Variants in NCAPD3 observed in about 807,000 individuals in gnomAD.
NCAPD3 encodes the protein condensin-2 complex subunit D3.
NCAPD3 carries 105 observed loss-of-function variants against 182.9 expected under a neutral mutation model. That is an observed-to-expected ratio of 0.57 (90% CI 0.49 to 0.68). The LOEUF is 0.68. NCAPD3 is among the 30% of genes least tolerant of loss of function. NCAPD3 has a pLI of 0.00. For missense variants in NCAPD3, 1,944 were observed against 1,837.0 expected (o/e 1.06, Z -1.07); for synonymous variants, 815 against 679.9 (o/e 1.20, Z -3.09).
Position 134,201,845 on chromosome 11 carries a change from G to A in NCAPD3, c.1615+971C>T, listed in dbSNP as rs76877712. ...AGAAAACCTGTTTATTATAAATGTAGTTATCGCTCTGAATTGGAGTAATAC... is the reference window on the plus strand; with the variant it reads ...AGAAAACCTGTTTATTATAAATGTAATTATCGCTCTGAATTGGAGTAATAC... On this transcript the variant is annotated intron_variant, in intron 13 of 34. Coordinates refer to ENST00000534548, the MANE Select transcript of NCAPD3 (RefSeq NM_015261.3). Among the ~76,000 whole-genome samples the A allele has an allele frequency of 3.9e-5, 6 of 152,332 alleles. No individual in the cohort carries two copies. The East Asian group carries it at 1.2e-3, about 29-fold the overall frequency.
intron 1 of NCAPD3, 113 bp from the exon 2 acceptor site, chr11:134,220,839 A>G (rs1023790300): frequency 9.9e-6 from 10 of 1,011,122 alleles, no homozygotes; most frequent in Non-Finnish European, 1.4e-5. Context: ...CACGATTCAC[A>G]TTTAACTTGT....
At chr11:134,167,480 T>C (rs562462233) in intron 27 of NCAPD3, among the ~76,000 whole-genome samples, 1 of 130,134 alleles carries the variant, frequency 7.7e-6, no homozygotes, top group South Asian at 2.7e-4. Flanking sequence ...ACTTGTGAGA[T>C]GAGCTTGGGG....
chr11:134,202,611 G>C (rs1944772197), intron 13 of NCAPD3, among the ~76,000 whole-genome samples: 1 of 151,596 alleles, frequency 6.6e-6, no homozygotes, highest in South Asian at 2.1e-4. Context: ...GAACTCCTGG[G>C]CTCAAGTGAT....
intron 16 of NCAPD3, among the ~76,000 whole-genome samples, chr11:134,190,472 CATCCTTCTGAAGTACATCCTTTTT>C (rs1487860030): frequency 6.6e-6 from 1 of 152,128 alleles, no homozygotes; most frequent in Non-Finnish European, 1.5e-5. Flanking sequence ...ATTCAGCTTC[CATCCTTCTGAAGTACATCCTTTTT>C]ATTTTTTTGA....
At position 134,169,057 on chromosome 11, in the gene NCAPD3, G is replaced by T; in HGVS notation, c.3102-3C>A. On this transcript the variant is annotated splice_region_variant and splice_polypyrimidine_tract_variant and intron_variant, in intron 24 of 34. Coordinates refer to ENST00000534548, the MANE Select transcript of NCAPD3 (RefSeq NM_015261.3). ...GAGCCAGGCAAAACTCCCCGAAGCT[G>T]CAAAGGTGAGAGAAACAAAGAGGGA... 6.2e-7 allele frequency: 1 copy of T among 1,612,374 alleles called. No homozygotes were observed. The highest frequency in any genetic ancestry group is 8.5e-7 in the Non-Finnish European group (1 of 1,179,130).
upstream of NCAPD3, chr11:134,225,364 C>T: frequency 6.2e-7 from 1 of 1,611,836 alleles, no homozygotes; most frequent in Non-Finnish European, 8.5e-7. Flanking sequence ...ACCCCCGGGA[C>T]CCCCTCCCCC....
chr11:134,217,938 A>G (rs1427147899), intron 2 of NCAPD3, among the ~76,000 whole-genome samples: 2 of 152,038 alleles, frequency 1.3e-5, no homozygotes, highest in African/African-American at 4.8e-5. Context: ...GTCTCCACAA[A>G]AAATAAAAAA....
chr11:134,168,886 C>G, intron 25 of NCAPD3, 31 bp downstream of exon 25: 2 of 1,601,752 alleles, frequency 1.2e-6, no homozygotes, highest in Non-Finnish European at 1.7e-6. Flanking sequence ...TACCCAGATA[C>G]AAGGAGACCA....
At position 134,153,153 on chromosome 11, in the gene NCAPD3, G is replaced by C. The variant is rs185906594; in HGVS notation, c.4375C>G (p.Leu1459Val). 2.5e-6 allele frequency: 4 copies of C among 1,613,864 alleles called. No individual in the cohort carries two copies. Among genetic ancestry groups the C allele is most frequent in the Admixed American group, 3.3e-5 (2 of 60,008 alleles). ...SQGNDILCLS[L>V]PDKPPPQPQQ... ...TGCTAAACTTACGGTTTATCAGGCAGTGATAAACATAAGATGTCATTTCCT... is the reference window on the plus strand; with the variant it reads ...TGCTAAACTTACGGTTTATCAGGCACTGATAAACATAAGATGTCATTTCCT... Residue 1459 changes from leucine to valine, a missense_variant, in exon 34 of 35, where the codon CTG (leucine) becomes GTG (valine). Leu to Val is a conservative substitution (Grantham distance 32). Around this residue, in one of 3 missense-constraint regions of NCAPD3, gnomAD observed 1,803 missense variants for 1,674.6 expected, o/e 1.08. Coordinates refer to ENST00000534548, the MANE Select transcript of NCAPD3 (RefSeq NM_015261.3).
In NCAPD3 at chr11:134,184,711, C is replaced by T; in HGVS notation, c.2377G>A (p.Glu793Lys). 1 of 1,613,934 alleles carries T rather than the reference C, an allele frequency of 6.2e-7. No homozygotes were observed. Among genetic ancestry groups the T allele is most frequent in the Non-Finnish European group, 8.5e-7 (1 of 1,179,968 alleles). ...GCGTCAACAGCTGAACTGATCACCT[C>T]TAGAGACCACTGAAATCCATTCAGC... is the stretch of plus-strand genomic sequence containing the variant. ...CKLNGFQWSL[E>K]VISSAVDALQ... The change falls in exon 19 of 35, where the codon GAG becomes AAG. Residue 793 changes from glutamate to lysine, a missense_variant. Glu to Lys is a moderately conservative substitution (Grantham distance 56, BLOSUM62 1). Coordinates refer to ENST00000534548, the MANE Select transcript of NCAPD3 (RefSeq NM_015261.3).
intron 1 of NCAPD3, chr11:134,223,414 G>A: frequency 4.3e-6 from 3 of 702,456 alleles, no homozygotes; most frequent in South Asian, 3.0e-5. Flanking sequence ...GCCATTAGCA[G>A]GCTTTGGGAA....
chr11:134,221,548 C>A (rs1221908840), intron 1 of NCAPD3, among the ~76,000 whole-genome samples: 1 of 152,128 alleles, frequency 6.6e-6, no homozygotes, highest in Non-Finnish European at 1.5e-5. Flanking sequence ...CCTTCCCATT[C>A]TTTTCTAATA....
chr11:134,163,315 A>G (rs1193734488), intron 27 of NCAPD3, among the ~76,000 whole-genome samples: 1 of 152,170 alleles, frequency 6.6e-6, no homozygotes, highest in Admixed American at 6.5e-5. Flanking sequence ...ACCACTCACC[A>G]TCTATCACCC....
intron 17 of NCAPD3, 121 bp downstream of exon 17, chr11:134,185,214 C>G (rs1944378701): frequency 1.0e-6 from 1 of 983,212 alleles, no homozygotes; most frequent in Non-Finnish European, 1.5e-6. Flanking sequence ...GTTTTTATAC[C>G]AGGTTTTAAA....
At chr11:134,191,188 T>C (rs1046415146) in intron 16 of NCAPD3, among the ~76,000 whole-genome samples, 1 of 152,298 alleles carries the variant, frequency 6.6e-6, no homozygotes, top group Non-Finnish European at 1.5e-5. Context: ...AATGAGCCCA[T>C]GTTTGTTTGT....
chr11:134,188,601 C>T (rs1054091889), intron 16 of NCAPD3, among the ~76,000 whole-genome samples: 8 of 152,068 alleles, frequency 5.3e-5, no homozygotes, highest in Admixed American at 1.3e-4. Flanking sequence ...CAAACAACTC[C>T]GGATGTGCCA....
intron 1 of NCAPD3, chr11:134,223,399 A>G (rs1565563268): frequency 1.4e-6 from 1 of 702,268 alleles, no homozygotes; most frequent in Non-Finnish European, 2.6e-6. Context: ...GGTGGCTTGG[A>G]TGGTGCCATT....
At chr11:134,157,240 G>A (rs991485726) in intron 31 of NCAPD3, 145 bp from the exon 32 acceptor site, 8 of 563,330 alleles carry the variant, frequency 1.4e-5, no homozygotes, top group South Asian at 5.9e-5. Flanking sequence ...AATTCAGGAA[G>A]AAATACAAAT....
intron 16 of NCAPD3, among the ~76,000 whole-genome samples, chr11:134,186,654 A>G (rs1488879751): frequency 6.6e-6 from 1 of 152,194 alleles, no homozygotes; most frequent in Admixed American, 6.5e-5. Flanking sequence ...TTTTTCTTAG[A>G]CTTCTGGGAA....
Sources: gnomAD v4.1 joint callset for allele counts (sites outside exome capture counted in the v4.1 genomes callset) on GRCh38, gnomAD v4.1.1 for gene constraint, gnomAD v4.1.1 regional missense constraint, MANE v1.5 for transcripts, NCBI Gene and HGNC (gene_info 2026-07-23, HGNC 2026-07-21) for gene names.